Variants in DNAH7 observed in about 807,000 individuals in gnomAD.
DNAH7 encodes the protein axonemal beta dynein heavy chain 7.
A neutral mutation model predicts 444.6 loss-of-function variants in DNAH7; 397 were observed. That is an observed-to-expected ratio of 0.89 (90% CI 0.82 to 0.97). The LOEUF is 0.97. Ranked by LOEUF, DNAH7 falls within the 50% of genes least tolerant of loss-of-function variation. The pLI, the probability that DNAH7 is intolerant of heterozygous loss-of-function variation, is 0.00. For synonymous variants in DNAH7, 1,636 were observed against 1,624.4 expected, an observed-to-expected ratio of 1.01 and a Z score of -0.17; for missense variants, 4,902 against 4,800.8, an observed-to-expected ratio of 1.02 and a Z score of -0.62.
intron 19 of DNAH7, among the ~76,000 whole-genome samples, chr2:195,949,928 AGCC>A (rs1278329931): frequency 1.2e-4 from 18 of 152,340 alleles, no homozygotes; most frequent in African/African-American, 3.8e-4. Context: ...ATGTTGAACT[AGCC>A]TTGCATCCCA....
chr2:195,967,613 T>TGA (rs34849134), intron 17 of DNAH7, among the ~76,000 whole-genome samples: 47,143 of 151,926 alleles, frequency 0.31, 10,288 homozygotes, highest in African/African-American at 0.62. Context: ...GGTATTTTCA[T>TGA]GATATACTAT....
rs759967018 is a variant in DNAH7 at position 195,972,478 on chromosome 2, C to T, written c.1834-12G>A. The T allele has an allele frequency of 6.3e-7, 1 of 1,597,504 alleles. No individual in the cohort carries two copies. Among genetic ancestry groups the T allele is most frequent in the East Asian group, 2.2e-5 (1 of 44,730 alleles). ...TTCTGAATGTAAGCCTGAGGGAAAA[C>T]AAAAATTACAGGTGACATTTTAACG... On this transcript the variant is annotated splice_polypyrimidine_tract_variant and intron_variant, in intron 15 of 64. Coordinates refer to ENST00000312428, the MANE Select transcript of DNAH7 (RefSeq NM_018897.3).
At chr2:195,797,163 T>G (rs1050173973) in intron 55 of DNAH7, among the ~76,000 whole-genome samples, 3 of 152,256 alleles carry the variant, frequency 2.0e-5, no homozygotes, top group Non-Finnish European at 4.4e-5. Context: ...TTTAGTTACT[T>G]TGGCTACTGT....
At chr2:195,913,343 G>A (rs1000700134) in intron 24 of DNAH7, among the ~76,000 whole-genome samples, 1 of 152,078 alleles carries the variant, frequency 6.6e-6, no homozygotes, top group African/African-American at 2.4e-5. Flanking sequence ...TTCTTTAAAT[G>A]TAAGATAACC....
In DNAH7 at chr2:196,068,532, T is replaced by G; in HGVS notation, c.15+165A>C. The G allele has an allele frequency of 5.6e-6, 5 of 891,128 alleles. 1 individual carries two copies. In the South Asian group the frequency reaches 9.3e-5, roughly 17 times the overall value. The allele number at this position is 891,128 out of a possible 1,614,324, so 55.2% of individuals were successfully genotyped here. A position where few individuals can be genotyped will look rare whatever the true frequency, so the allele number is the denominator to read the frequency against. Reference sequence around the variant, plus strand: ...CTGGGAAGGGAACTTATAAGGGCATTCACGGAAAGCGCTCAGTAACCCAGG... The same window carrying G: ...CTGGGAAGGGAACTTATAAGGGCATGCACGGAAAGCGCTCAGTAACCCAGG... On this transcript the variant is annotated intron_variant, in intron 1 of 64. Transcript: ENST00000312428.
intron 48 of DNAH7, among the ~76,000 whole-genome samples, chr2:195,831,875 T>A (rs1698091241): frequency 6.6e-6 from 1 of 152,148 alleles, no homozygotes; most frequent in Admixed American, 6.5e-5. Context: ...ACCAGTATAG[T>A]TAAGGGGTAG....
At chr2:195,830,962 A>C (rs546814067) in intron 48 of DNAH7, among the ~76,000 whole-genome samples, 42 of 152,330 alleles carry the variant, frequency 2.8e-4, no homozygotes, top group African/African-American at 9.9e-4. Flanking sequence ...TGGACAAATA[A>C]ATGAGCAAAT....
In DNAH7 at chr2:195,796,575, C is replaced by A; in HGVS notation, c.10515+1G>T. ...TAATAAGTATAAACTTGCATTTTTA[C>A]CTCACAGACTTTCTCAAGGGTTGGC... On this transcript the variant is annotated splice_donor_variant, in intron 56 of 64. Coordinates refer to ENST00000312428, the MANE Select transcript of DNAH7 (RefSeq NM_018897.3). LOFTEE classifies it high-confidence loss of function. 6.2e-7 allele frequency: 1 copy of A among 1,613,970 alleles called. No homozygotes were observed. The highest frequency in any genetic ancestry group is 2.2e-5 in the East Asian group (1 of 44,848).
intron 46 of DNAH7, among the ~76,000 whole-genome samples, chr2:195,852,879 C>T (rs1020036998): frequency 1.4e-5 from 2 of 144,942 alleles, no homozygotes; most frequent in African/African-American, 5.2e-5. Flanking sequence ...TGATAGGAAA[C>T]AGCTGATGAA....
intron 51 of DNAH7, among the ~76,000 whole-genome samples, chr2:195,815,146 G>A (rs1697163731): frequency 6.6e-6 from 1 of 151,514 alleles, no homozygotes; most frequent in African/African-American, 2.4e-5. Context: ...CAAATAGCTG[G>A]GAACTTTTCT....
chr2:195,794,091 A>T (rs1696022072), intron 57 of DNAH7, among the ~76,000 whole-genome samples: 1 of 152,218 alleles, frequency 6.6e-6, no homozygotes, highest in African/African-American at 2.4e-5. Flanking sequence ...CTAAATAGAA[A>T]GCTACATTAT....
At position 195,975,771 on chromosome 2, in the gene DNAH7, A is replaced by T. The variant is rs971017422; in HGVS notation, c.1834-3305T>A. ...GGTAGAGTAGTGAGGCCCCCATCTT[A>T]GGCCCTAGCTCCTGGAAGACATTTC... On this transcript the variant is annotated intron_variant, in intron 15 of 64. Transcript: ENST00000312428. Among the ~76,000 whole-genome samples, 4 of 152,296 alleles carry T rather than the reference A, an allele frequency of 2.6e-5. No individual in the cohort carries two copies. The East Asian group carries it at 7.7e-4, about 29-fold the overall frequency.
intron 19 of DNAH7, among the ~76,000 whole-genome samples, chr2:195,955,676 A>G (rs539309411): frequency 7.2e-5 from 11 of 152,310 alleles, no homozygotes; most frequent in African/African-American, 2.2e-4. Flanking sequence ...AGGAACTGAG[A>G]TATCTATAAA....
At position 195,923,741 on chromosome 2, in the gene DNAH7, T is replaced by C; in HGVS notation, c.3679A>G (p.Lys1227Glu). The change falls in exon 23 of 65, where the codon AAA becomes GAA. Residue 1227 changes from lysine to glutamate, a missense_variant. By Grantham distance (56) the Lys-to-Glu change is moderately conservative. Coordinates refer to ENST00000312428, the MANE Select transcript of DNAH7 (RefSeq NM_018897.3). ...IDDIVTLVRG[K>E]LSMQNRVTLG... ...GTTACGCGATTCTGCATGGACAATT[T>C]GCCACGCACCAAAGTGACAATATCA... 1.2e-6 allele frequency: 2 copies of C among 1,614,150 alleles called. No homozygotes were observed. The highest frequency in any genetic ancestry group is 1.7e-6 in the Non-Finnish European group (2 of 1,180,024).
At chr2:195,939,085 T>C (rs1689249568) in intron 19 of DNAH7, among the ~76,000 whole-genome samples, 1 of 152,024 alleles carries the variant, frequency 6.6e-6, no homozygotes, top group African/African-American at 2.4e-5. Flanking sequence ...TCAAAATCGG[T>C]ATGAGGACTA....
At chr2:196,019,088 A>G in intron 9 of DNAH7, 82 bp downstream of exon 9, 1 of 1,280,190 alleles carries the variant, frequency 7.8e-7, no homozygotes, top group Non-Finnish European at 1.0e-6. Context: ...TTGCAGTTAA[A>G]ATAGTAAAAG....
At chr2:195,855,104 T>C (rs1699615633) in intron 45 of DNAH7, among the ~76,000 whole-genome samples, 2 of 152,190 alleles carry the variant, frequency 1.3e-5, no homozygotes, top group Admixed American at 1.3e-4. Context: ...TTCTTCAAAA[T>C]GGTACAAAAT....
At chr2:195,968,223 C>T (rs1691611494) in intron 17 of DNAH7, among the ~76,000 whole-genome samples, 1 of 151,934 alleles carries the variant, frequency 6.6e-6, no homozygotes, top group Admixed American at 6.6e-5. Flanking sequence ...TGAGTTGGTA[C>T]CCAAAGCCAG....
chr2:195,923,996 G>C (rs1016181350), intron 22 of DNAH7, among the ~76,000 whole-genome samples, 189 bp from the exon 23 acceptor site: 2 of 151,954 alleles, frequency 1.3e-5, no homozygotes, highest in Non-Finnish European at 2.9e-5. Flanking sequence ...ATCAGGCCAC[G>C]TATAATGGAT....
Sources: allele counts gnomAD v4.1 joint callset (sites outside exome capture counted in the v4.1 genomes callset), GRCh38; gene constraint gnomAD v4.1.1; transcripts MANE v1.5; gene names NCBI Gene and HGNC (gene_info 2026-07-23, HGNC 2026-07-21).